Variants in KDM4B observed in about 807,000 individuals in gnomAD.
The protein encoded by KDM4B is lysine-specific demethylase 4B.
Under a neutral mutation model 125.2 loss-of-function variants are expected in KDM4B, and 32 were observed. That is an observed-to-expected ratio of 0.26 (90% CI 0.19 to 0.34). The LOEUF (loss-of-function observed/expected upper bound fraction) is 0.34. KDM4B is among the 10% of genes least tolerant of loss of function. KDM4B has a pLI of 1.00. For synonymous variants in KDM4B, 721 were observed against 677.9 expected (o/e 1.06, Z -0.99); for missense variants, 1,190 against 1,577.7 (o/e 0.75, Z 4.16).
intron 1 of KDM4B, among the ~76,000 whole-genome samples, chr19:5,007,526 T>C (rs1438026016): frequency 6.6e-6 from 1 of 150,812 alleles, no homozygotes; most frequent in African/African-American, 2.4e-5. Context: ...ACATTGTCTT[T>C]TCACTTTCTC....
At chr19:4,979,062 C>T (rs901192776) in intron 1 of KDM4B, among the ~76,000 whole-genome samples, 1 of 151,898 alleles carries the variant, frequency 6.6e-6, no homozygotes, top group Admixed American at 6.6e-5. Flanking sequence ...GTGGGAGGAT[C>T]GGTGGAGGCC....
chr19:5,114,198 C>A lies in KDM4B; in HGVS notation c.1115+3380C>A. ...ATGCAAACTCTTTCCACGCGAGAAG[C>A]GCCATGTGCACGTGCTCCAGCAGGT... On this transcript the variant is annotated intron_variant, in intron 10 of 22. Coordinates refer to ENST00000159111, the MANE Select transcript of KDM4B (RefSeq NM_015015.3). The surrounding 1 kb of genome is among the most constrained non-coding windows in gnomAD (Gnocchi z 5.8). 7.8e-7 allele frequency: 1 copy of A among 1,289,766 alleles called. No individual in the cohort carries two copies. Among genetic ancestry groups the A allele is most frequent in the Non-Finnish European group, 1.0e-6 (1 of 988,872 alleles). 79.9% of individuals were successfully genotyped at this position (1,289,766 alleles called of 1,614,324 possible). A position where few individuals can be genotyped will look rare whatever the true frequency, so the allele number is the denominator to read the frequency against.
At chr19:5,013,296 G>T (rs942436653) in intron 1 of KDM4B, among the ~76,000 whole-genome samples, 1 of 152,174 alleles carries the variant, frequency 6.6e-6, no homozygotes, top group African/African-American at 2.4e-5. Flanking sequence ...CCAGGATCCC[G>T]TGGGGACCTG....
chr19:5,025,506 C>T (rs1397038965), intron 2 of KDM4B, among the ~76,000 whole-genome samples: 1 of 152,238 alleles, frequency 6.6e-6, no homozygotes, highest in Non-Finnish European at 1.5e-5. Context: ...TTCCCACAGC[C>T]AGAGAGAGCT....
Position 5,115,746 on chromosome 19 carries a change from G to A in KDM4B, c.1116-3907G>A, listed in dbSNP as rs1338124540. ...GAAAAAGAGCCATTGCTGTGAAGAA[G>A]AAACATTCCAGGAACGAGTGGCTCT... On this transcript the variant is annotated intron_variant, in intron 10 of 22. Coordinates refer to ENST00000159111, the MANE Select transcript of KDM4B (RefSeq NM_015015.3). The surrounding 1 kb of genome is among the most constrained non-coding windows in gnomAD (Gnocchi z 4.2). Among the ~76,000 whole-genome samples, 1 of 152,226 alleles carries A rather than the reference G, an allele frequency of 6.6e-6. No homozygotes were observed. Among genetic ancestry groups the A allele is most frequent in the Admixed American group, 6.5e-5 (1 of 15,290 alleles).
intron 21 of KDM4B, among the ~76,000 whole-genome samples, chr19:5,148,384 G>A (rs1042458661): frequency 2.0e-5 from 3 of 152,174 alleles, no homozygotes; most frequent in Non-Finnish European, 2.9e-5. Flanking sequence ...CAGTGTGAGC[G>A]CCATCCTCCT....
intron 13 of KDM4B, 82 bp from the exon 14 acceptor site, chr19:5,133,801 C>G: frequency 3.4e-6 from 5 of 1,460,808 alleles, no homozygotes; most frequent in Non-Finnish European, 4.7e-6. Flanking sequence ...CCGGGGCCAT[C>G]CCCTGGGCAG....
intron 2 of KDM4B, among the ~76,000 whole-genome samples, chr19:5,027,787 C>T (rs2036326962): frequency 6.6e-6 from 1 of 152,088 alleles, no homozygotes; most frequent in South Asian, 2.1e-4. Context: ...GCAGTCTGCC[C>T]ACCTTGGCCT....
At chr19:5,022,568 G>A (rs914947643) in intron 2 of KDM4B, among the ~76,000 whole-genome samples, 2 of 152,190 alleles carry the variant, frequency 1.3e-5, no homozygotes, top group African/African-American at 4.8e-5. Context: ...GCCAGCAACT[G>A]GAGCCCACTT....
chr19:5,082,102 G>A lies in KDM4B; in HGVS notation c.781-265G>A, dbSNP rs1387372821. On this transcript the variant is annotated intron_variant, in intron 8 of 22. Coordinates refer to ENST00000159111, the MANE Select transcript of KDM4B (RefSeq NM_015015.3). This position sits in a 1 kb window ranked among gnomAD's most constrained non-coding sequence, Gnocchi z 5.4. ...CTGACGGCCGCCTTGGGGCAGGGCA[G>A]GGGCTGCTGGGGCTGGAGGGGCCCG... is the stretch of plus-strand genomic sequence containing the variant. Among the ~76,000 whole-genome samples, 1 of 152,236 alleles carries A rather than the reference G, an allele frequency of 6.6e-6. No individual in the cohort carries two copies. Among genetic ancestry groups the A allele is most frequent in the Non-Finnish European group, 1.5e-5 (1 of 68,030 alleles).
At chr19:4,979,928 C>G in intron 1 of KDM4B, among the ~76,000 whole-genome samples, 1 of 151,942 alleles carries the variant, frequency 6.6e-6, no homozygotes, top group East Asian at 1.9e-4. Context: ...AATGGTGAAA[C>G]CCCATCTCTA....
intron 9 of KDM4B, among the ~76,000 whole-genome samples, chr19:5,106,476 A>G (rs1013222236): frequency 1.3e-5 from 2 of 152,110 alleles, no homozygotes; most frequent in African/African-American, 4.8e-5. Context: ...GGTCTGCTCC[A>G]TGCTCACTGG....
At chr19:5,087,360 C>T (rs571546487) in intron 9 of KDM4B, among the ~76,000 whole-genome samples, 24 of 152,266 alleles carry the variant, frequency 1.6e-4, no homozygotes, top group African/African-American at 5.8e-4. Context: ...CGGCTGTGTC[C>T]CCACCCCCGG....
intron 11 of KDM4B, among the ~76,000 whole-genome samples, chr19:5,127,660 C>A (rs561721544): frequency 6.6e-6 from 1 of 152,310 alleles, no homozygotes; most frequent in East Asian, 1.9e-4. Context: ...CAGAACCAGG[C>A]AGCCAACCAG....
intron 21 of KDM4B, among the ~76,000 whole-genome samples, chr19:5,147,697 C>T (rs564148423): frequency 3.4e-5 from 5 of 148,620 alleles, no homozygotes; most frequent in Admixed American, 6.8e-5. Flanking sequence ...GATCCAAGAT[C>T]GCGCCACTGC....
intron 6 of KDM4B, among the ~76,000 whole-genome samples, chr19:5,053,864 C>T (rs535912374): frequency 6.6e-5 from 10 of 152,384 alleles, no homozygotes; most frequent in South Asian, 2.1e-4. Flanking sequence ...CCCAGCGTCC[C>T]GGCTGACTGG....
chr19:5,101,151 G>A (rs1398081007), intron 9 of KDM4B, among the ~76,000 whole-genome samples: 1 of 150,156 alleles, frequency 6.7e-6, no homozygotes, highest in Non-Finnish European at 1.5e-5. Context: ...GAACCCAGGA[G>A]GCAGAAGTTG....
At chr19:5,056,140 C>T (rs933067858) in intron 6 of KDM4B, among the ~76,000 whole-genome samples, 9 of 152,064 alleles carry the variant, frequency 5.9e-5, no homozygotes, top group Admixed American at 4.6e-4. Context: ...TGTATGTCCC[C>T]TAATCAGCAT....
At chr19:5,131,658 G>GGGGGCAGGTGGGGTGGGGCA in intron 12 of KDM4B, 113 bp downstream of exon 12, 1 of 620,974 alleles carries the variant, frequency 1.6e-6, no homozygotes, top group East Asian at 2.8e-5. Flanking sequence ...CAGGGAGGAG[G>GGGGGCAGGTGGGGTGGGGCA]GGACAGGAGG....
Sources: gnomAD v4.1 joint callset for allele counts (sites outside exome capture counted in the v4.1 genomes callset) on GRCh38, gnomAD v4.1.1 for gene constraint, Gnocchi (gnomAD v3.1) non-coding constraint, MANE v1.5 for transcripts, NCBI Gene and HGNC (gene_info 2026-07-23, HGNC 2026-07-21) for gene names.